Variants in MDN1 observed in about 807,000 individuals in gnomAD.
MDN1 encodes the protein midasin AAA ATPase 1.
Under a neutral mutation model 669.2 loss-of-function variants are expected in MDN1, and 266 were observed. That is an observed-to-expected ratio of 0.40 (90% CI 0.36 to 0.44). The LOEUF (loss-of-function observed/expected upper bound fraction) is 0.44. MDN1 is among the 20% of genes least tolerant of loss of function. MDN1 has a pLI of 1.00. For synonymous variants in MDN1, 2,385 were observed against 2,457.1 expected, an observed-to-expected ratio of 0.97 and a Z score of 0.87; for missense variants, 5,940 against 6,754.0, an observed-to-expected ratio of 0.88 and a Z score of 4.22.
chr6:89,660,399 G>A (rs1283566951), intron 88 of MDN1, among the ~76,000 whole-genome samples: 1 of 151,850 alleles, frequency 6.6e-6, no homozygotes, highest in African/African-American at 2.4e-5. Context: ...TGTTCAGGCT[G>A]GTCTCAAACT....
At position 89,664,529 on chromosome 6, in the gene MDN1, C is replaced by T; in HGVS notation, c.14194G>A (p.Asp4732Asn). 1 of 1,614,126 alleles carries T rather than the reference C, an allele frequency of 6.2e-7. No homozygotes were observed. The highest frequency in any genetic ancestry group is 8.5e-7 in the Non-Finnish European group (1 of 1,180,010). Residue 4732 changes from aspartate to asparagine, a missense_variant, in exon 85 of 102, where the codon GAT becomes AAT. By Grantham distance (23) the Asp-to-Asn change is conservative (BLOSUM62 1). Around this residue, in one of 5 missense-constraint regions of MDN1, gnomAD observed 2,280 missense variants for 2,576.3 expected, o/e 0.88. Coordinates refer to ENST00000369393, the MANE Select transcript of MDN1 (RefSeq NM_014611.3). ...GEDNAIEMSE[D>N]FDGKMHDGEL... is the part of the protein sequence containing the mutation. ...CCATCATGCATTTTCCCATCAAAAT[C>T]TTCCGACATCTCAATGGCATTATCC...
At position 89,718,358 on chromosome 6, in the gene MDN1, A is replaced by G; in HGVS notation, c.6583+8T>C. On this transcript the variant is annotated splice_region_variant and intron_variant, in intron 43 of 101. Transcript: ENST00000369393. Reference sequence around the variant, plus strand: ...AAGTTCCTGATACAGAGATCCAAATATACATACCTGCCTTGCAGTATGAGT... The same window carrying G: ...AAGTTCCTGATACAGAGATCCAAATGTACATACCTGCCTTGCAGTATGAGT... 8 of 1,612,222 alleles carry G rather than the reference A, an allele frequency of 5.0e-6. No homozygotes were observed. Among genetic ancestry groups the G allele is most frequent in the Non-Finnish European group, 6.8e-6 (8 of 1,179,362 alleles).
chr6:89,701,800 G>C (rs1201717660), intron 54 of MDN1, 104 bp downstream of exon 54: 21 of 1,517,112 alleles, frequency 1.4e-5, no homozygotes, highest in Non-Finnish European at 1.9e-5. Context: ...ATATGCCAAG[G>C]GAATAAACCA....
chr6:89,665,706 C>T (rs1216327505), intron 84 of MDN1, among the ~76,000 whole-genome samples: 1 of 126,248 alleles, frequency 7.9e-6, no homozygotes, highest in Non-Finnish European at 1.7e-5. Flanking sequence ...GACTCCGTTT[C>T]AAAAAAAAAA....
intron 33 of MDN1, among the ~76,000 whole-genome samples, chr6:89,735,898 T>C (rs1815941723): frequency 6.6e-6 from 1 of 152,052 alleles, no homozygotes; most frequent in African/African-American, 2.4e-5. Context: ...CACATGCCTG[T>C]AGTCCCAGCT....
chr6:89,709,344 A>G (rs1813727707), intron 50 of MDN1, among the ~76,000 whole-genome samples: 1 of 152,238 alleles, frequency 6.6e-6, no homozygotes, highest in Admixed American at 6.5e-5. Context: ...CAGCAGGTAC[A>G]TTAAGGAGGG....
At chr6:89,657,948 G>A (rs993544503) in intron 90 of MDN1, among the ~76,000 whole-genome samples, 9 of 152,248 alleles carry the variant, frequency 5.9e-5, no homozygotes, top group African/African-American at 1.9e-4. Flanking sequence ...TGAGGTTTGT[G>A]TAAGTACACG....
Position 89,646,573 on chromosome 6 carries a change from C to G in MDN1, c.16426G>C (p.Ala5476Pro), listed in dbSNP as rs375185709. 237 of 1,614,182 alleles carry G rather than the reference C, an allele frequency of 1.5e-4. No individual in the cohort carries two copies. In the South Asian group the frequency reaches 2.4e-3, roughly 17 times the overall value. Residue 5476 changes from alanine to proline, a missense_variant, in exon 100 of 102, where the codon GCT becomes CCT. By Grantham distance (27) the Ala-to-Pro change is conservative. Transcript: ENST00000369393. The stretch of plus-strand genomic sequence containing the variant: ...ATGTTCTGCGAGAGCTGCTGAGCAG[C>G]TGCAAACATGTTGGCAACAGACTCT... Reference protein sequence around the residue: ...FLESVANMFAAAQQLSQNISS... With the variant: ...FLESVANMFAPAQQLSQNISS...
At position 89,815,379 on chromosome 6, in the gene MDN1, C is replaced by G. The variant is rs79906874; in HGVS notation, c.102+4127G>C. On this transcript the variant is annotated intron_variant, in intron 1 of 101. Coordinates refer to ENST00000369393, the MANE Select transcript of MDN1 (RefSeq NM_014611.3). ...AGAGTGGTGAAATGACACTCTCATT[C>G]ATGACTGAGGAAGTGCCCTGCAGGA... 2.1e-3 allele frequency: 920 copies of G among 432,174 alleles called. 10 individuals carry two copies. Among genetic ancestry groups the G allele is most frequent in the African/African-American group, 0.018 (867 of 49,010 alleles). 26.8% of individuals were successfully genotyped at this position (432,174 alleles called of 1,614,324 possible).
At chr6:89,711,755 A>G (rs1484217559) in intron 49 of MDN1, among the ~76,000 whole-genome samples, 1 of 152,248 alleles carries the variant, frequency 6.6e-6, no homozygotes, top group Non-Finnish European at 1.5e-5. Context: ...GTTCAAAACT[A>G]AAAAGTAAAA....
At chr6:89,767,091 G>C (rs1220190857) in intron 15 of MDN1, among the ~76,000 whole-genome samples, 5 of 152,036 alleles carry the variant, frequency 3.3e-5, no homozygotes, top group Non-Finnish European at 7.4e-5. Flanking sequence ...TTTCTGGAGT[G>C]ATTTTATCTG....
chr6:89,683,776 A>G, intron 72 of MDN1, 55 bp downstream of exon 72: 1 of 1,388,444 alleles, frequency 7.2e-7, no homozygotes, highest in Non-Finnish European at 1.0e-6. Flanking sequence ...TTTGCTCCCT[A>G]CCACACAAAA....
At chr6:89,690,289 C>T in intron 64 of MDN1, 146 bp from the exon 65 acceptor site, 1 of 946,422 alleles carries the variant, frequency 1.1e-6, no homozygotes, top group Non-Finnish European at 1.5e-6. Flanking sequence ...TAAAAGACTA[C>T]AGGCTGGGCA....
Position 89,734,065 on chromosome 6 carries a change from A to C in MDN1, c.4724-1290T>G, listed in dbSNP as rs1177216655. On this transcript the variant is annotated intron_variant, in intron 33 of 101. Transcript: ENST00000369393. ...TTTGAGAGGCTGAGGCGGGCAGATC[A>C]CTAGAGGCCAGGAGTTCAAGACCAC... is the stretch of plus-strand genomic sequence containing the variant. Among the ~76,000 whole-genome samples, 3 of 152,068 alleles carry C rather than the reference A, an allele frequency of 2.0e-5. 1 individual carries two copies. The highest frequency in any genetic ancestry group is 2.9e-5 in the Non-Finnish European group (2 of 67,994).
chr6:89,687,124 A>G, intron 68 of MDN1, 101 bp from the exon 69 acceptor site: 1 of 1,503,888 alleles, frequency 6.6e-7, no homozygotes, highest in Non-Finnish European at 9.0e-7. Context: ...CTCCTCCCAA[A>G]TGGAGATGGA....
intron 2 of MDN1, among the ~76,000 whole-genome samples, chr6:89,796,519 A>C (rs1268798153): frequency 6.6e-6 from 1 of 152,074 alleles, no homozygotes; most frequent in Non-Finnish European, 1.5e-5. Flanking sequence ...ATTCTACCAA[A>C]CATTAAAAGA....
At position 89,743,238 on chromosome 6, in the gene MDN1, G is replaced by C. The variant is rs765179319; in HGVS notation, c.4360C>G (p.Pro1454Ala). Residue 1454 changes from proline (P) to alanine (A), a missense_variant, in exon 31 of 102, where the codon CCT (proline) becomes GCT (alanine). Physicochemically the swap from Pro to Ala is conservative, Grantham distance 27 (BLOSUM62 -1). This residue lies in a region of MDN1 where 2,292 missense variants were observed against 2,638.3 expected (regional missense o/e 0.87). Transcript: ENST00000369393. ...TCCTCCTTCATGGCCTGAACCAGAG[G>C]CCCATCATGCCACTCAAAGAGTCTT... ...TSRLFEWHDG[P>A]LVQAMKEDGF... 3 of 1,613,996 alleles carry C rather than the reference G, an allele frequency of 1.9e-6. No individual in the cohort carries two copies. The Admixed American group carries it at 5.0e-5, about 27-fold the overall frequency.
At position 89,758,943 on chromosome 6, in the gene MDN1, A is replaced by G; in HGVS notation, c.2478T>C (p.Ala826=). The G allele has an allele frequency of 6.2e-7, 1 of 1,613,822 alleles. No individual in the cohort carries two copies. The highest frequency in any genetic ancestry group is 1.1e-5 in the South Asian group (1 of 91,074). ...FAFVEGTLAQ[A]VKKGEWILLD... Reference sequence around the variant, plus strand: ...ACAAGATCCACTCTCCTTTCTTTACAGCCTGAGCTAATGTACCCTAGAAAA... The same window carrying G: ...ACAAGATCCACTCTCCTTTCTTTACGGCCTGAGCTAATGTACCCTAGAAAA... Residue 826 remains alanine (A), a synonymous_variant, in exon 18 of 102, where the codon GCT becomes GCC. Transcript: ENST00000369393.
At chr6:89,819,360 G>A (rs1045334393) in intron 1 of MDN1, 146 bp downstream of exon 1, 6 of 753,990 alleles carry the variant, frequency 8.0e-6, no homozygotes, top group African/African-American at 5.2e-5. Flanking sequence ...TCCACGACCT[G>A]CGCCAGCCCA....
Sources: gnomAD v4.1 joint callset for allele counts (sites outside exome capture counted in the v4.1 genomes callset) on GRCh38, gnomAD v4.1.1 for gene constraint, gnomAD v4.1.1 regional missense constraint, MANE v1.5 for transcripts, NCBI Gene and HGNC (gene_info 2026-07-23, HGNC 2026-07-21) for gene names.